GPC6: variants seen among roughly 807,000 people sequenced by gnomAD.
The protein encoded by GPC6 is glypican-6.
A neutral mutation model predicts 55.2 loss-of-function variants in GPC6; 14 were observed. That is an observed-to-expected ratio of 0.25 (90% CI 0.17 to 0.40). GPC6 has a LOEUF of 0.40. Among genes scored for constraint, GPC6 ranks in the 10% least tolerant of loss-of-function variants. The pLI, the probability that GPC6 is intolerant of heterozygous loss-of-function variation, is 1.00. For missense variants in GPC6, 641 were observed against 708.5 expected (o/e 0.90, Z 1.08); for synonymous variants, 278 against 259.6 (o/e 1.07, Z -0.68).
chr13:94,253,650 AC>A lies in GPC6; in HGVS notation c.878-32698del, dbSNP rs568243601. Among the ~76,000 whole-genome samples, 126 of 151,972 alleles carry A rather than the reference AC, an allele frequency of 8.3e-4. 1 individual carries two copies. Among genetic ancestry groups the A allele is most frequent in the African/African-American group, 2.9e-3 (120 of 41,470 alleles). On this transcript the variant is annotated intron_variant, in intron 4 of 8. Transcript: ENST00000377047. The stretch of plus-strand genomic sequence containing the variant: ...GTGGGTGTGTTTTCGATCATAGAAA[AC>A]TTTTCTTATGTATCTGGAGAGTCAT...
rs138419842 is a variant in GPC6 at position 93,814,261 on chromosome 13, A to G, written c.320-15893A>G. ...ATGCCATTAACAAATATTACTTGAC[A>G]TATTTCTAGAAAAATGTTAAGCAGA... On this transcript the variant is annotated intron_variant, in intron 2 of 8. Coordinates refer to ENST00000377047, the MANE Select transcript of GPC6 (RefSeq NM_005708.5). Among the ~76,000 whole-genome samples the G allele has an allele frequency of 1.7e-3, 261 of 152,298 alleles. 2 individuals carry two copies. Among genetic ancestry groups the G allele is most frequent in the African/African-American group, 5.7e-3 (236 of 41,560 alleles).
At position 93,723,570 on chromosome 13, in the gene GPC6, T is replaced by C. The variant is rs2225946; in HGVS notation, c.320-106584T>C. ...CTAAGCCACACTAAAATTTCTGACCTATAGGAACTGTGGCATAAGGAATCT... is the reference window on the plus strand; with the variant it reads ...CTAAGCCACACTAAAATTTCTGACCCATAGGAACTGTGGCATAAGGAATCT... On this transcript the variant is annotated intron_variant, in intron 2 of 8. Transcript: ENST00000377047. 7.8e-3 allele frequency among the ~76,000 whole-genome samples: 1,192 copies of C among 152,114 alleles called. 23 individuals are homozygous for C. Among genetic ancestry groups the C allele is most frequent in the African/African-American group, 0.027 (1,138 of 41,534 alleles).
intron 1 of GPC6, among the ~76,000 whole-genome samples, chr13:93,278,142 T>G (rs994829856): frequency 6.6e-6 from 1 of 152,204 alleles, no homozygotes; most frequent in Non-Finnish European, 1.5e-5. Flanking sequence ...CTTATTATTT[T>G]AGACAACAAG....
At chr13:93,626,326 G>A (rs1013027831) in intron 2 of GPC6, among the ~76,000 whole-genome samples, 2 of 152,164 alleles carry the variant, frequency 1.3e-5, no homozygotes, top group Non-Finnish European at 2.9e-5. Context: ...GTCCTCCTAA[G>A]CATGGGGCCA....
chr13:94,341,364 C>T (rs1878024418), intron 6 of GPC6, among the ~76,000 whole-genome samples: 1 of 152,072 alleles, frequency 6.6e-6, no homozygotes, highest in African/African-American at 2.4e-5. Flanking sequence ...GCAGGCGGAT[C>T]ACTTGAGGCC....
intron 2 of GPC6, among the ~76,000 whole-genome samples, chr13:93,604,390 G>A (rs1459744007): frequency 1.3e-5 from 2 of 152,162 alleles, no homozygotes; most frequent in Admixed American, 6.5e-5. Context: ...GGAAGGCCTT[G>A]CTTGCTACCA....
intron 1 of GPC6, among the ~76,000 whole-genome samples, chr13:93,492,780 C>T (rs1489496424): frequency 6.6e-6 from 1 of 150,616 alleles, no homozygotes; most frequent in Admixed American, 6.6e-5. Context: ...TTGAGATAAT[C>T]ATGTGGTTTT....
At chr13:93,286,152 C>A (rs1330180927) in intron 1 of GPC6, among the ~76,000 whole-genome samples, 1 of 152,076 alleles carries the variant, frequency 6.6e-6, no homozygotes, top group African/African-American at 2.4e-5. Flanking sequence ...AACTTACAAC[C>A]CTGGCAGAAG....
chr13:93,776,096 T>G (rs1166692650), intron 2 of GPC6, among the ~76,000 whole-genome samples: 1 of 130,566 alleles, frequency 7.7e-6, no homozygotes. Flanking sequence ...TGTACATTTT[T>G]ACTAAGCACT....
chr13:93,743,531 T>C (rs1246561311), intron 2 of GPC6, among the ~76,000 whole-genome samples: 2 of 152,112 alleles, frequency 1.3e-5, no homozygotes, highest in Non-Finnish European at 2.9e-5. Flanking sequence ...ATTTCCTTGT[T>C]CCAATTTTCT....
chr13:93,616,268 A>G (rs1434766099), intron 2 of GPC6, among the ~76,000 whole-genome samples: 1 of 152,168 alleles, frequency 6.6e-6, no homozygotes, highest in African/African-American at 2.4e-5. Context: ...TATAAATAGG[A>G]AGACTATAAT....
upstream of GPC6, among the ~76,000 whole-genome samples, chr13:93,225,810 CTG>C (rs1875759206): frequency 1.3e-5 from 2 of 152,204 alleles, no homozygotes; most frequent in South Asian, 2.1e-4. Flanking sequence ...CTCCACAAAA[CTG>C]TGCATTACCT....
intron 3 of GPC6, among the ~76,000 whole-genome samples, chr13:93,964,231 C>T (rs776164808): frequency 9.2e-5 from 14 of 152,230 alleles, no homozygotes; most frequent in Non-Finnish European, 1.6e-4. Context: ...GATTGATAAC[C>T]TTGCATAGTG....
chr13:93,233,390 A>G (rs1249375951), intron 1 of GPC6, among the ~76,000 whole-genome samples: 6 of 151,184 alleles, frequency 4.0e-5, no homozygotes. Context: ...CACATTATTC[A>G]GGTTATTGGG....
chr13:94,287,843 G>A (rs1170738360), intron 5 of GPC6, among the ~76,000 whole-genome samples: 2 of 152,312 alleles, frequency 1.3e-5, no homozygotes, highest in East Asian at 3.9e-4. Flanking sequence ...CAGGTGCTAA[G>A]ATTGCTAATG....
intron 1 of GPC6, among the ~76,000 whole-genome samples, chr13:93,375,620 G>A (rs1445143842): frequency 1.3e-5 from 2 of 152,206 alleles, no homozygotes; most frequent in East Asian, 3.9e-4. Context: ...CCCGATGGTA[G>A]CAACTTCAGA....
chr13:93,775,065 A>C (rs1325712306), intron 2 of GPC6, among the ~76,000 whole-genome samples: 1 of 152,188 alleles, frequency 6.6e-6, no homozygotes, highest in East Asian at 1.9e-4. Context: ...TATATAATAG[A>C]ACAGTGATAA....
At chr13:93,626,982 A>C (rs1483697091) in intron 2 of GPC6, among the ~76,000 whole-genome samples, 3 of 151,952 alleles carry the variant, frequency 2.0e-5, no homozygotes, top group African/African-American at 7.3e-5. Flanking sequence ...GGATGAAGAG[A>C]GAGAGAGGGA....
At chr13:93,313,748 C>A (rs1879152299) in intron 1 of GPC6, among the ~76,000 whole-genome samples, 1 of 151,816 alleles carries the variant, frequency 6.6e-6, no homozygotes, top group African/African-American at 2.4e-5. Context: ...TGCACTATAG[C>A]CTAGAATTTC....
Sources: gnomAD v4.1 joint callset for allele counts (sites outside exome capture counted in the v4.1 genomes callset) on GRCh38, gnomAD v4.1.1 for gene constraint, MANE v1.5 for transcripts, NCBI Gene and HGNC (gene_info 2026-07-23, HGNC 2026-07-21) for gene names.